ADAMTSL1: variants seen among roughly 807,000 people sequenced by gnomAD.
ADAMTSL1 encodes the protein ADAMTS-like protein 1.
In ADAMTSL1, 126 loss-of-function variants were observed where a neutral mutation model predicts 201.8. The ratio of observed to expected loss-of-function variants is 0.62; its 90% CI spans 0.54 to 0.72. The LOEUF is 0.72. Among genes scored for constraint, ADAMTSL1 ranks in the 30% least tolerant of loss-of-function variants. The pLI, the probability that ADAMTSL1 is intolerant of heterozygous loss-of-function variation, is 0.00. For synonymous variants in ADAMTSL1, 1,121 were observed against 903.4 expected (o/e 1.24, Z -4.32); for missense variants, 2,679 against 2,277.8 (o/e 1.18, Z -3.59).
intron 2 of ADAMTSL1, among the ~76,000 whole-genome samples, chr9:18,362,608 C>T (rs960465831): frequency 8.5e-5 from 13 of 152,292 alleles, no homozygotes; most frequent in African/African-American, 2.9e-4. Context: ...ACATATAATC[C>T]ATAATCAGAG....
chr9:18,234,130 T>C (rs544846412), intron 2 of ADAMTSL1, among the ~76,000 whole-genome samples: 2 of 151,474 alleles, frequency 1.3e-5, no homozygotes, highest in Non-Finnish European at 2.9e-5. Flanking sequence ...ATGTGGGGGG[T>C]GAGAGTGAGA....
chr9:18,004,308 C>T (rs1819727961), intron 1 of ADAMTSL1, among the ~76,000 whole-genome samples: 1 of 152,020 alleles, frequency 6.6e-6, no homozygotes, highest in Non-Finnish European at 1.5e-5. Flanking sequence ...GGGATGCCAT[C>T]TTCAGGGAGG....
chr9:17,940,694 G>C (rs1166471461), intron 1 of ADAMTSL1, among the ~76,000 whole-genome samples: 1 of 133,292 alleles, frequency 7.5e-6, no homozygotes, highest in Non-Finnish European at 1.6e-5. Context: ...AACTTTTAGG[G>C]TACATGTGCA....
At chr9:18,778,364 G>T (rs1821187873) in intron 19 of ADAMTSL1, among the ~76,000 whole-genome samples, 1 of 152,200 alleles carries the variant, frequency 6.6e-6, no homozygotes, top group Non-Finnish European at 1.5e-5. Flanking sequence ...TGTTTCCCAT[G>T]GGTGAGCCCA....
chr9:18,579,374 T>C (rs1005601883), intron 4 of ADAMTSL1, among the ~76,000 whole-genome samples: 14 of 141,216 alleles, frequency 9.9e-5, no homozygotes, highest in African/African-American at 2.6e-4. Context: ...AGGGATAGCA[T>C]TGGGAGATAT....
At chr9:18,138,678 C>G (rs11788086) in intron 1 of ADAMTSL1, among the ~76,000 whole-genome samples, 4,892 of 152,100 alleles carry the variant, frequency 0.032, 113 homozygotes, top group Non-Finnish European at 0.053. Flanking sequence ...ACACAGTAAG[C>G]GAGTTCTAGG....
intron 1 of ADAMTSL1, among the ~76,000 whole-genome samples, chr9:18,049,993 T>G (rs1014372845): frequency 6.6e-6 from 1 of 152,220 alleles, no homozygotes; most frequent in African/African-American, 2.4e-5. Flanking sequence ...GGAACTTCTG[T>G]CACTTGCAGC....
intron 1 of ADAMTSL1, among the ~76,000 whole-genome samples, chr9:17,970,274 C>A (rs1778178): frequency 0.54 from 81,443 of 151,858 alleles, 23,682 homozygotes; most frequent in East Asian, 0.92. Context: ...CTTTTATCAA[C>A]AAGTCCTCAA....
intron 4 of ADAMTSL1, among the ~76,000 whole-genome samples, chr9:18,605,581 T>C (rs1185577941): frequency 1.3e-5 from 2 of 152,278 alleles, no homozygotes; most frequent in East Asian, 3.9e-4. Context: ...CAGCCTGCTT[T>C]TGGTGTAGGC....
chr9:18,178,085 G>T (rs1828260086), intron 2 of ADAMTSL1, among the ~76,000 whole-genome samples: 1 of 152,214 alleles, frequency 6.6e-6, no homozygotes, highest in African/African-American at 2.4e-5. Flanking sequence ...CGCAGAAGAA[G>T]GGTGATTTCT....
At chr9:18,659,934 A>C (rs1472711757) in intron 8 of ADAMTSL1, among the ~76,000 whole-genome samples, 2 of 152,204 alleles carry the variant, frequency 1.3e-5, no homozygotes, top group Non-Finnish European at 2.9e-5. Flanking sequence ...AAAAAAATGA[A>C]AACCATGCTT....
intron 15 of ADAMTSL1, among the ~76,000 whole-genome samples, chr9:18,733,303 A>T (rs1194578966): frequency 6.6e-6 from 1 of 152,240 alleles, no homozygotes; most frequent in Non-Finnish European, 1.5e-5. Flanking sequence ...CAAAAGTAGG[A>T]CTAGGCTCTT....
intron 2 of ADAMTSL1, among the ~76,000 whole-genome samples, chr9:18,443,526 A>G (rs1820076224): frequency 6.6e-6 from 1 of 152,228 alleles, no homozygotes; most frequent in African/African-American, 2.4e-5. Context: ...CATGGGAGTT[A>G]TAGGTATAGA....
At chr9:17,937,284 G>T (rs1041211868) in intron 1 of ADAMTSL1, among the ~76,000 whole-genome samples, 1 of 152,056 alleles carries the variant, frequency 6.6e-6, no homozygotes, top group African/African-American at 2.4e-5. Context: ...AGCCATTTCA[G>T]GGGAGGCTTT....
chr9:18,666,489 A>G (rs1412818520), intron 9 of ADAMTSL1, among the ~76,000 whole-genome samples: 1 of 152,154 alleles, frequency 6.6e-6, no homozygotes, highest in Non-Finnish European at 1.5e-5. Flanking sequence ...ACCCTCCTGC[A>G]TGTCAGGGAT....
chr9:18,461,378 T>G (rs563104619), intron 2 of ADAMTSL1, among the ~76,000 whole-genome samples: 1 of 152,266 alleles, frequency 6.6e-6, no homozygotes, highest in African/African-American at 2.4e-5. Context: ...TCGACAAAAA[T>G]TGTATGTATT....
At chr9:18,419,873 G>A (rs999627777) in intron 2 of ADAMTSL1, among the ~76,000 whole-genome samples, 2 of 151,834 alleles carry the variant, frequency 1.3e-5, no homozygotes, top group African/African-American at 4.8e-5. Flanking sequence ...GGGACTACAG[G>A]CGCACGCCAC....
intron 15 of ADAMTSL1, among the ~76,000 whole-genome samples, chr9:18,749,817 G>A (rs559251467): frequency 3.0e-3 from 460 of 152,266 alleles, no homozygotes; most frequent in Admixed American, 4.8e-3. Context: ...GCTGACCTCC[G>A]TCCTTGAGAA....
In ADAMTSL1 at chr9:18,832,333, G is replaced by A. The variant is rs555099950; in HGVS notation, c.4249+2356G>A. ...TGTGCGCTCTGGGTATGAGAAATAA[G>A]CCAGGGAGGCTGGAGAGGAGGTTTT... is the stretch of plus-strand genomic sequence containing the variant. On this transcript the variant is annotated intron_variant, in intron 23 of 28. Transcript: ENST00000380548. Among the ~76,000 whole-genome samples, 14 of 152,300 alleles carry A rather than the reference G, an allele frequency of 9.2e-5. No individual in the cohort carries two copies. In the South Asian group the frequency reaches 2.5e-3, roughly 27 times the overall value.
Sources: allele counts gnomAD v4.1 joint callset (sites outside exome capture counted in the v4.1 genomes callset), GRCh38; gene constraint gnomAD v4.1.1; transcripts MANE v1.5; gene names NCBI Gene and HGNC (gene_info 2026-07-23, HGNC 2026-07-21).